Variants in ESYT3 observed in about 807,000 individuals in gnomAD.
The protein encoded by ESYT3 is extended synaptotagmin 3, also known as extended synaptotagmin-3.
In ESYT3, 101 loss-of-function variants were observed where a neutral mutation model predicts 111.5. That is an observed-to-expected ratio of 0.91 (90% CI 0.77 to 1.07). The LOEUF (loss-of-function observed/expected upper bound fraction) is 1.07, where lower values mean the gene tolerates loss of function less well. Among genes scored for constraint, ESYT3 ranks in the 50% least tolerant of loss-of-function variants. The pLI is 0.00. For synonymous variants in ESYT3, 416 were observed against 446.8 expected (o/e 0.93, Z 0.87); for missense variants, 1,097 against 1,109.4 (o/e 0.99, Z 0.16).
chr3:138,459,930 T>A lies in ESYT3; in HGVS notation c.649-15T>A, dbSNP rs757917247. ...GTAGGCCTGGGCCCCTCACGGGCCC[T>A]CTGTGCCTATCCAGTTGCAGGGCAC... On this transcript the variant is annotated splice_polypyrimidine_tract_variant and intron_variant, in intron 5 of 22. Coordinates refer to ENST00000389567, the MANE Select transcript of ESYT3 (RefSeq NM_031913.5). The A allele has an allele frequency of 1.2e-6, 2 of 1,612,550 alleles. No homozygotes were observed. Among genetic ancestry groups the A allele is most frequent in the South Asian group, 2.2e-5 (2 of 91,022 alleles).
At chr3:138,473,187 A>G (rs376040181) in intron 18 of ESYT3, 30 of 1,206,550 alleles carry the variant, frequency 2.5e-5, no homozygotes, top group Middle Eastern at 6.2e-4. Context: ...GTCATTTATG[A>G]AGGGTTTACT....
At chr3:138,471,696 G>A (rs757901884) in intron 17 of ESYT3, among the ~76,000 whole-genome samples, 2 of 152,130 alleles carry the variant, frequency 1.3e-5, no homozygotes, top group African/African-American at 4.8e-5. Context: ...GACCTGGATC[G>A]AGGTTGTTCT....
At chr3:138,461,968 TC>T (rs2032664677) in intron 7 of ESYT3, 117 bp from the exon 8 acceptor site, 1 of 1,475,278 alleles carries the variant, frequency 6.8e-7, no homozygotes, top group East Asian at 2.3e-5. Flanking sequence ...TCAGGGCTGT[TC>T]TCTAGGTGGG....
At chr3:138,476,580 C>A in intron 22 of ESYT3, 88 bp downstream of exon 22, 1 of 1,359,676 alleles carries the variant, frequency 7.4e-7, no homozygotes, top group Non-Finnish European at 1.0e-6. Flanking sequence ...CTTTGGTTAT[C>A]AAGAAGGGAG....
At chr3:138,439,059 C>T (rs924197032) in intron 1 of ESYT3, among the ~76,000 whole-genome samples, 4 of 152,322 alleles carry the variant, frequency 2.6e-5, no homozygotes, top group South Asian at 2.1e-4. Flanking sequence ...GTGACAAGCA[C>T]GGAGCCCTTG....
chr3:138,468,852 C>T lies in ESYT3; in HGVS notation c.1405C>T (p.Arg469Ter), dbSNP rs184387509. ...TTTTGACTACCTGAATGGTGAATATCGAGCCAAAAAACTCTCCAGGTTTGC... is the reference window on the plus strand; with the variant it reads ...TTTTGACTACCTGAATGGTGAATATTGAGCCAAAAAACTCTCCAGGTTTGC... The part of the protein sequence containing the change: ...NPFDYLNGEY[R>*]AKKLSRFARN... The change falls in exon 14 of 23, where the codon CGA becomes TGA. Residue 469 changes from arginine to a stop codon, truncating the protein, a stop_gained. Coordinates refer to ENST00000389567, the MANE Select transcript of ESYT3 (RefSeq NM_031913.5). LOFTEE classifies it high-confidence loss of function. 62 of 1,614,106 alleles carry T rather than the reference C, an allele frequency of 3.8e-5. No individual in the cohort carries two copies. Among genetic ancestry groups the T allele is most frequent in the Admixed American group, 3.7e-4 (22 of 60,022 alleles).
rs1032089729 is a variant in ESYT3 at position 138,479,458 on chromosome 3, T to G, written c.*2604T>G. 3.9e-5 allele frequency: 6 copies of G among 152,248 alleles called. No individual in the cohort carries two copies. Among genetic ancestry groups the G allele is most frequent in the African/African-American group, 1.4e-4 (6 of 41,474 alleles). The allele number at this position is 152,248 out of a possible 1,614,324, so 9.4% of individuals were successfully genotyped here. A position where few individuals can be genotyped will look rare whatever the true frequency, so the allele number is the denominator to read the frequency against. On this transcript the variant is annotated 3_prime_UTR_variant, in exon 23 of 23. Coordinates refer to ENST00000389567, the MANE Select transcript of ESYT3 (RefSeq NM_031913.5). ...ATAACTGTGTCAGTCACTAATTCAT[T>G]ACCTCTCAGCTTCAAATTGACGTCT...
rs1553810681 is a variant in ESYT3, at chr3:138,443,736, C to CTCTGTGTGTGTG, written c.328-8311_328-8310insCTGTGTGTGTGT. ...TGTCCACACATCTGTGTTTGTGCATCTGTGTGTGTGTGTGTGTGTGACATG... is the reference window on the plus strand; with the variant it reads ...TGTCCACACATCTGTGTTTGTGCATCTCTGTGTGTGTGTGTGTGTGTGTGTGTGTGTGACATG... On this transcript the variant is annotated intron_variant, in intron 1 of 22. Coordinates refer to ENST00000389567, the MANE Select transcript of ESYT3 (RefSeq NM_031913.5). Among the ~76,000 whole-genome samples the CTCTGTGTGTGTG allele has an allele frequency of 4.1e-5, 6 of 147,984 alleles. 1 individual carries two copies. The highest frequency in any genetic ancestry group is 4.0e-4 in the Admixed American group (6 of 15,034).
chr3:138,456,994 C>T lies in ESYT3; in HGVS notation c.505-574C>T, dbSNP rs1171507607. Among the ~76,000 whole-genome samples the T allele has an allele frequency of 2.0e-5, 3 of 152,304 alleles. No homozygotes were observed. In the South Asian group the frequency reaches 6.2e-4, roughly 32 times the overall value. ...CACTCTTCATGTCCTGGCCACCCCC[C>T]TCCCTCTGCTCTCCCATTCCCATGT... On this transcript the variant is annotated intron_variant, in intron 3 of 22. Coordinates refer to ENST00000389567, the MANE Select transcript of ESYT3 (RefSeq NM_031913.5).
rs1044341803 is a variant in ESYT3, at chr3:138,434,682, G to A, written c.-117G>A. 2.1e-6 allele frequency: 2 copies of A among 956,596 alleles called. No individual in the cohort carries two copies. Among genetic ancestry groups the A allele is most frequent in the African/African-American group, 3.4e-5 (2 of 59,270 alleles). The allele number at this position is 956,596 out of a possible 1,614,324, so 59.3% of individuals were successfully genotyped here. ...TCGGCGCGCCGAGAGTCCCAGCAGG[G>A]CAAGGGGGCGCGGCGTCCTGGTCCT... On this transcript the variant is annotated 5_prime_UTR_variant, in exon 1 of 23. Coordinates refer to ENST00000389567, the MANE Select transcript of ESYT3 (RefSeq NM_031913.5).
intron 8 of ESYT3, among the ~76,000 whole-genome samples, chr3:138,462,807 C>T (rs747609267): frequency 1.3e-5 from 2 of 151,868 alleles, no homozygotes; most frequent in Non-Finnish European, 2.9e-5. Flanking sequence ...GGACTACAGG[C>T]GTGCACTACC....
chr3:138,462,926 G>C (rs554958562), intron 8 of ESYT3, among the ~76,000 whole-genome samples: 1 of 152,194 alleles, frequency 6.6e-6, no homozygotes, highest in Non-Finnish European at 1.5e-5. Flanking sequence ...GCCTCCCAAA[G>C]TGCTGGGATT....
intron 1 of ESYT3, among the ~76,000 whole-genome samples, chr3:138,439,459 C>A (rs900057714): frequency 1.3e-5 from 2 of 152,178 alleles, no homozygotes; most frequent in South Asian, 4.1e-4. Flanking sequence ...CAGAGCCCAT[C>A]CTTCGTGCTC....
chr3:138,443,748 G>GTA (rs2108594901), intron 1 of ESYT3, among the ~76,000 whole-genome samples: 1 of 149,494 alleles, frequency 6.7e-6, no homozygotes, highest in East Asian at 2.3e-4. Flanking sequence ...GTGTGTGTGT[G>GTA]TGTGTGTGAC....
At chr3:138,473,218 G>C (rs2033322808) in intron 18 of ESYT3, 5 of 960,634 alleles carry the variant, frequency 5.2e-6, no homozygotes, top group Non-Finnish European at 1.4e-6. Context: ...CATGTTACCT[G>C]ATTTAATTCA....
At position 138,479,881 on chromosome 3, in the gene ESYT3, T is replaced by C. The variant is rs1219176253; in HGVS notation, c.*3027T>C. On this transcript the variant is annotated 3_prime_UTR_variant, in exon 23 of 23. Transcript: ENST00000389567. ...TATTCTGTATCCCCTAGAGTCCACT[T>C]CTACCCCGTTTAGTAGTAAATACAA... 6.6e-6 allele frequency: 1 copy of C among 152,202 alleles called. No individual in the cohort carries two copies. Among genetic ancestry groups the C allele is most frequent in the Non-Finnish European group, 1.5e-5 (1 of 68,028 alleles). 9.4% of individuals were successfully genotyped at this position (152,202 alleles called of 1,614,324 possible). A position where few individuals can be genotyped will look rare whatever the true frequency, so the allele number is the denominator to read the frequency against.
intron 8 of ESYT3, 55 bp downstream of exon 8, chr3:138,462,261 C>T (rs761390122): frequency 1.9e-6 from 3 of 1,611,524 alleles, no homozygotes; most frequent in Admixed American, 1.7e-5. Context: ...CGCAAATATC[C>T]TCTCAGCCTT....
intron 20 of ESYT3, chr3:138,474,670 G>A (rs1345238576): frequency 1.1e-5 from 2 of 188,280 alleles, no homozygotes; most frequent in Non-Finnish European, 2.2e-5. Flanking sequence ...TTTTTGATCT[G>A]TTTTAATTCC....
intron 1 of ESYT3, among the ~76,000 whole-genome samples, chr3:138,449,665 A>AC (rs2031796596): frequency 6.6e-6 from 1 of 152,042 alleles, no homozygotes; most frequent in Non-Finnish European, 1.5e-5. Flanking sequence ...TCACAAAACA[A>AC]CCCGGGCCAA....
Sources: gnomAD v4.1 joint callset for allele counts (sites outside exome capture counted in the v4.1 genomes callset) on GRCh38, gnomAD v4.1.1 for gene constraint, MANE v1.5 for transcripts, NCBI Gene and HGNC (gene_info 2026-07-23, HGNC 2026-07-21) for gene names.